ADGB: variants seen among roughly 807,000 people sequenced by gnomAD.
The protein encoded by ADGB is androglobin.
ADGB carries 172 observed loss-of-function variants against 210.5 expected under a neutral mutation model. The observed-to-expected ratio is 0.82, with a 90% CI of 0.72 to 0.93. The LOEUF is 0.93. Among genes scored for constraint, ADGB ranks in the 40% least tolerant of loss-of-function variants. The probability of loss-of-function intolerance (pLI) is 0.00; values close to 1 mark genes in which losing one functional copy is unlikely to be tolerated. For synonymous variants in ADGB, 658 were observed against 662.7 expected (o/e 0.99, Z 0.11); for missense variants, 2,025 against 1,964.8 (o/e 1.03, Z -0.58).
intron 1 of ADGB, among the ~76,000 whole-genome samples, chr6:146,625,666 G>A (rs1407208714): frequency 1.3e-5 from 2 of 152,000 alleles, no homozygotes; most frequent in African/African-American, 4.8e-5. Context: ...CTTGCCATCT[G>A]ACATGCCTGA....
chr6:146,737,633 T>C (rs1385298055), intron 23 of ADGB, among the ~76,000 whole-genome samples: 2 of 152,218 alleles, frequency 1.3e-5, no homozygotes, highest in African/African-American at 4.8e-5. Context: ...TTTAATTGTA[T>C]GAATGCACAT....
intron 4 of ADGB, among the ~76,000 whole-genome samples, chr6:146,654,738 C>G (rs1775755935): frequency 6.6e-6 from 1 of 152,028 alleles, no homozygotes; most frequent in African/African-American, 2.4e-5. Flanking sequence ...TCAACATAAC[C>G]ATCAACTCAG....
intron 9 of ADGB, among the ~76,000 whole-genome samples, chr6:146,678,218 ATTGT>A (rs1232737206): frequency 3.9e-5 from 6 of 152,056 alleles, no homozygotes; most frequent in Admixed American, 1.3e-4. Flanking sequence ...TGACATTTAT[ATTGT>A]TTGTTTGTTT....
rs80008193 is a variant in ADGB, at chr6:146,602,813, C to T, written c.74+3699C>T. Among the ~76,000 whole-genome samples the T allele has an allele frequency of 9.4e-3, 1,435 of 152,256 alleles. 27 individuals are homozygous for T. The highest frequency in any genetic ancestry group is 0.033 in the African/African-American group (1,368 of 41,554). ...CAGAGGCGTTAAATTCTCATAGGAGCGCAAATCCTATTGTAAACTGTGCAT... is the reference window on the plus strand; with the variant it reads ...CAGAGGCGTTAAATTCTCATAGGAGTGCAAATCCTATTGTAAACTGTGCAT... On this transcript the variant is annotated intron_variant, in intron 1 of 35. Coordinates refer to ENST00000397944, the MANE Select transcript of ADGB (RefSeq NM_024694.4).
chr6:146,645,577 G>A (rs1402398688), intron 3 of ADGB, among the ~76,000 whole-genome samples: 3 of 151,936 alleles, frequency 2.0e-5, no homozygotes, highest in Admixed American at 6.6e-5. Context: ...AAATTATTTA[G>A]AAGTAGTCAA....
chr6:146,730,011 T>C (rs1158836381), intron 20 of ADGB, among the ~76,000 whole-genome samples: 2 of 152,192 alleles, frequency 1.3e-5, no homozygotes, highest in African/African-American at 4.8e-5. Flanking sequence ...AGGGGTAGCA[T>C]TGCCAGATTT....
chr6:146,648,810 T>C (rs1272909214), intron 3 of ADGB, among the ~76,000 whole-genome samples: 2 of 151,702 alleles, frequency 1.3e-5, no homozygotes, highest in Non-Finnish European at 2.9e-5. Context: ...AGAAGAAAAT[T>C]TATAGAATTA....
chr6:146,788,823 C>G (rs538880700), intron 33 of ADGB, among the ~76,000 whole-genome samples: 3 of 152,062 alleles, frequency 2.0e-5, no homozygotes, highest in Non-Finnish European at 4.4e-5. Flanking sequence ...GGGCAAAAGC[C>G]CCCCTACAGA....
intron 5 of ADGB, among the ~76,000 whole-genome samples, chr6:146,658,591 C>G (rs1775815342): frequency 2.0e-5 from 3 of 152,160 alleles, no homozygotes; most frequent in African/African-American, 7.2e-5. Context: ...TGACATCCCT[C>G]CTTGGTTTTC....
chr6:146,807,396 G>T, intron 35 of ADGB: 26 of 1,550,158 alleles, frequency 1.7e-5, no homozygotes, highest in Non-Finnish European at 2.3e-5. Context: ...TTTTGCTTTG[G>T]AACAGGACTC....
chr6:146,622,757 T>A (rs1243322209), intron 1 of ADGB, among the ~76,000 whole-genome samples: 1 of 152,058 alleles, frequency 6.6e-6, no homozygotes, highest in Non-Finnish European at 1.5e-5. Flanking sequence ...TTTTACTTAA[T>A]GGAATTTGTC....
chr6:146,710,714 A>T (rs6903005), intron 13 of ADGB, among the ~76,000 whole-genome samples: 35,830 of 152,008 alleles, frequency 0.24, 4,849 homozygotes, highest in African/African-American at 0.38. Flanking sequence ...AATTTAAATT[A>T]TTGATTGTAT....
chr6:146,667,401 T>C (rs760647449), intron 7 of ADGB, among the ~76,000 whole-genome samples: 1 of 152,080 alleles, frequency 6.6e-6, no homozygotes, highest in African/African-American at 2.4e-5. Context: ...GGTTAACACC[T>C]GTTCTCTCTG....
intron 12 of ADGB, among the ~76,000 whole-genome samples, chr6:146,693,251 A>G (rs931582258): frequency 6.6e-6 from 1 of 152,108 alleles, no homozygotes; most frequent in African/African-American, 2.4e-5. Context: ...AGGTGAAATG[A>G]GTGATAAGGC....
intron 26 of ADGB, among the ~76,000 whole-genome samples, chr6:146,747,507 A>G (rs1027435391): frequency 1.3e-5 from 2 of 152,268 alleles, no homozygotes. Context: ...TTCATAAATT[A>G]AAGGATATAC....
intron 26 of ADGB, among the ~76,000 whole-genome samples, chr6:146,749,343 T>C (rs1777287029): frequency 6.6e-6 from 1 of 152,132 alleles, no homozygotes; most frequent in South Asian, 2.1e-4. Context: ...TTACTGCTCA[T>C]GGAAGTGCCC....
chr6:146,714,442 GCACTTAGCTTGTGGACTTT>G (rs1465819821), intron 13 of ADGB, among the ~76,000 whole-genome samples: 7 of 152,252 alleles, frequency 4.6e-5, no homozygotes, highest in African/African-American at 1.4e-4. Context: ...GAAAGTCTCA[GCACTTAGCTTGTGGACTTT>G]CACTTAATTC....
chr6:146,619,344 G>C (rs976813247), intron 1 of ADGB, among the ~76,000 whole-genome samples: 2 of 151,844 alleles, frequency 1.3e-5, no homozygotes, highest in Non-Finnish European at 2.9e-5. Flanking sequence ...TTTTTAATAG[G>C]ATAATTTAAT....
At chr6:146,694,559 T>C (rs1269840914) in intron 12 of ADGB, among the ~76,000 whole-genome samples, 1 of 152,140 alleles carries the variant, frequency 6.6e-6, no homozygotes, top group Non-Finnish European at 1.5e-5. Flanking sequence ...GCACCTTCCT[T>C]CCCCTTCATC....
Sources: allele counts gnomAD v4.1 joint callset (sites outside exome capture counted in the v4.1 genomes callset), GRCh38; gene constraint gnomAD v4.1.1; transcripts MANE v1.5; gene names NCBI Gene and HGNC (gene_info 2026-07-23, HGNC 2026-07-21).